Variants in NCR2 observed in about 807,000 individuals in gnomAD.
NCR2 encodes the protein NK cell activating receptor (NKp44).
Under a neutral mutation model 30.7 loss-of-function variants are expected in NCR2, and 35 were observed. That is an observed-to-expected ratio of 1.14 (90% CI 0.87 to 1.51). The LOEUF is 1.51. Ranked by LOEUF, NCR2 falls within the 40% of genes most tolerant of loss-of-function variation. NCR2 has a pLI of 0.00. For missense variants in NCR2, 316 were observed against 328.9 expected (o/e 0.96, Z 0.30); for synonymous variants, 146 against 134.8 (o/e 1.08, Z -0.58).
intron 4 of NCR2, among the ~76,000 whole-genome samples, chr6:41,350,120 T>C (rs1769393766): frequency 2.0e-5 from 3 of 152,198 alleles, no homozygotes; most frequent in African/African-American, 4.8e-5. Context: ...ACCAACTAAA[T>C]GATGCTGGAA....
rs1254863108 is a variant in NCR2, at chr6:41,336,171, G to A, written c.137G>A (p.Gly46Asp). The A allele has an allele frequency of 1.2e-6, 2 of 1,614,174 alleles. No individual in the cohort carries two copies. The highest frequency in any genetic ancestry group is 1.7e-5 in the Admixed American group (1 of 60,032). ...LTVRCQYPPT[G>D]SLYEKKGWCK... Reference sequence around the variant, plus strand: ...GTGAGATGCCAGTACCCGCCCACGGGCAGTCTCTACGAGAAGAAAGGCTGG... The same window carrying A: ...GTGAGATGCCAGTACCCGCCCACGGACAGTCTCTACGAGAAGAAAGGCTGG... The change falls in exon 2 of 5, where the codon GGC becomes GAC. Residue 46 changes from glycine (G) to aspartate (D), a missense_variant. By Grantham distance (94) the Gly-to-Asp change is moderately conservative. Transcript: ENST00000373089.
rs1057130827 is a variant in NCR2 at position 41,346,817 on chromosome 6, A to G, written c.645-3861A>G. Among the ~76,000 whole-genome samples the G allele has an allele frequency of 2.8e-5, 4 of 140,508 alleles. No homozygotes were observed. In the South Asian group the frequency reaches 1.1e-3, roughly 37 times the overall value. The allele number at this position is 140,508 out of a possible 152,430, so 92.2% of individuals were successfully genotyped here. On this transcript the variant is annotated intron_variant, in intron 4 of 4. Transcript: ENST00000373089. ...CTGAAAAGAGAGAGAAAGAGGGGGA[A>G]AGAGAGAAAGAGAGGGAGGGAGGGA...
intron 4 of NCR2, among the ~76,000 whole-genome samples, chr6:41,348,005 T>C (rs968822649): frequency 5.3e-5 from 8 of 152,180 alleles, no homozygotes; most frequent in Non-Finnish European, 1.2e-4. Context: ...ATAGTGCCAT[T>C]AATAACCTAG....
chr6:41,350,532 G>C, intron 4 of NCR2, 146 bp from the exon 5 acceptor site: 1 of 661,632 alleles, frequency 1.5e-6, no homozygotes, highest in Non-Finnish European at 2.6e-6. Context: ...TCTGGCAGCA[G>C]TGGCCAGGAG....
rs753694799 is a variant in NCR2, at chr6:41,341,843, A to ACAGACC, written c.455_460dup (p.Thr152_Gln153dup). The ACAGACC allele has an allele frequency of 1.9e-6, 3 of 1,613,216 alleles. No homozygotes were observed. Among genetic ancestry groups the ACAGACC allele is most frequent in the African/African-American group, 1.3e-5 (1 of 74,938 alleles). ...GGACTCCCCGCGACCTGGTCTCTTC[A>ACAGACC]CAGACCCAGACCCAGAGCTGTGTGC... On this transcript the variant is annotated inframe_insertion, in exon 3 of 5. Transcript: ENST00000373089.
At chr6:41,346,670 C>G (rs939701109) in intron 4 of NCR2, among the ~76,000 whole-genome samples, 15 of 152,140 alleles carry the variant, frequency 9.9e-5, no homozygotes, top group Admixed American at 2.0e-4. Flanking sequence ...TCTATCATCC[C>G]GAAATGTCTC....
chr6:41,342,347 G>T (rs1262761251), intron 4 of NCR2, among the ~76,000 whole-genome samples, 198 bp downstream of exon 4: 1 of 152,008 alleles, frequency 6.6e-6, no homozygotes, highest in Non-Finnish European at 1.5e-5. Context: ...CTGCAAACTT[G>T]CAGGAATCTC....
chr6:41,338,965 T>A (rs1769099163), intron 2 of NCR2, among the ~76,000 whole-genome samples: 1 of 152,246 alleles, frequency 6.6e-6, no homozygotes, highest in Non-Finnish European at 1.5e-5. Context: ...AAGTATGGAT[T>A]CCTTTCAAGA....
chr6:41,349,007 T>C (rs1159491185), intron 4 of NCR2, among the ~76,000 whole-genome samples: 2 of 150,402 alleles, frequency 1.3e-5, no homozygotes, highest in Non-Finnish European at 3.0e-5. Flanking sequence ...AGACACTATG[T>C]GAAATAATAA....
chr6:41,343,326 G>A (rs942733666), intron 4 of NCR2, among the ~76,000 whole-genome samples: 2 of 152,108 alleles, frequency 1.3e-5, no homozygotes, highest in Non-Finnish European at 2.9e-5. Flanking sequence ...AAAGAAAAAC[G>A]TGAGGCCTGG....
chr6:41,337,452 TTC>T (rs1406830267), intron 2 of NCR2, among the ~76,000 whole-genome samples: 2 of 152,214 alleles, frequency 1.3e-5, no homozygotes, highest in Non-Finnish European at 2.9e-5. Context: ...GAAATTGCAG[TTC>T]TCCATATTAA....
In NCR2 at chr6:41,338,407, A is replaced by G. The variant is rs564159381; in HGVS notation, c.394+1979A>G. ...TTCAGTTAAGCTGCTTTTTTTTCATAGTAAAACTCTCTCAATGAAGGAAGC... is the reference window on the plus strand; with the variant it reads ...TTCAGTTAAGCTGCTTTTTTTTCATGGTAAAACTCTCTCAATGAAGGAAGC... On this transcript the variant is annotated intron_variant, in intron 2 of 4. Transcript: ENST00000373089. 2.6e-5 allele frequency among the ~76,000 whole-genome samples: 4 copies of G among 152,302 alleles called. No individual in the cohort carries two copies. In the South Asian group the frequency reaches 8.3e-4, roughly 32 times the overall value.
In NCR2 at chr6:41,335,849, TC is replaced by T; in HGVS notation, c.-25del. 1 of 1,558,238 alleles carries T rather than the reference TC, an allele frequency of 6.4e-7. No individual in the cohort carries two copies. Among genetic ancestry groups the T allele is most frequent in the Non-Finnish European group, 8.7e-7 (1 of 1,150,352 alleles). ...TCCCCAGTCTTCTCCAGGTGTCCCC[TC>T]CCATGAGCGCACAGGAAAAGGACCA... On this transcript the variant is annotated 5_prime_UTR_variant, in exon 1 of 5. Coordinates refer to ENST00000373089, the MANE Select transcript of NCR2 (RefSeq NM_004828.4).
intron 4 of NCR2, among the ~76,000 whole-genome samples, chr6:41,343,927 C>G (rs796441145): frequency 8.5e-5 from 13 of 152,192 alleles, no homozygotes; most frequent in African/African-American, 2.9e-4. Flanking sequence ...TGATTTAACA[C>G]CCCAAATCCA....
chr6:41,336,441 C>T lies in NCR2; in HGVS notation c.394+13C>T, dbSNP rs1769033524. The T allele has an allele frequency of 6.2e-7, 1 of 1,603,854 alleles. No homozygotes were observed. The highest frequency in any genetic ancestry group is 1.3e-5 in the African/African-American group (1 of 74,816). ...GTGGTATCTCCAGGTGAGCTCTTTC[C>T]CTAGGGTCCTCAGAGGGGTGCCCCT... is the stretch of plus-strand genomic sequence containing the variant. On this transcript the variant is annotated intron_variant, in intron 2 of 4. Coordinates refer to ENST00000373089, the MANE Select transcript of NCR2 (RefSeq NM_004828.4).
Position 41,335,657 on chromosome 6 carries a change from C to T in NCR2, c.-220C>T, listed in dbSNP as rs1768999971. 10 of 583,406 alleles carry T rather than the reference C, an allele frequency of 1.7e-5. No individual in the cohort carries two copies. The highest frequency in any genetic ancestry group is 2.9e-5 in the Admixed American group (1 of 34,026). 36.1% of individuals were successfully genotyped at this position (583,406 alleles called of 1,614,324 possible). On this transcript the variant is annotated 5_prime_UTR_variant, in exon 1 of 5. Transcript: ENST00000373089. ...AAGCTGTGTGCCAGACAGCGCCGAG[C>T]CCACCAGACCCAGACTCACCTACAG...
chr6:41,346,444 C>T (rs79127125), intron 4 of NCR2, among the ~76,000 whole-genome samples: 45 of 152,238 alleles, frequency 3.0e-4, no homozygotes, highest in African/African-American at 9.9e-4. Flanking sequence ...TCCTGCCACC[C>T]GCCCCTTTCC....
intron 2 of NCR2, among the ~76,000 whole-genome samples, chr6:41,341,092 G>A (rs1370982558): frequency 1.3e-5 from 2 of 152,084 alleles, no homozygotes; most frequent in Non-Finnish European, 1.5e-5. Context: ...CCCAGCCTTG[G>A]TTCCAACCCT....
At chr6:41,348,735 G>A (rs1167636701) in intron 4 of NCR2, among the ~76,000 whole-genome samples, 1 of 152,006 alleles carries the variant, frequency 6.6e-6, no homozygotes, top group African/African-American at 2.4e-5. Flanking sequence ...TGCTATTTCT[G>A]TTCCTTTCAG....
Sources: allele counts gnomAD v4.1 joint callset (sites outside exome capture counted in the v4.1 genomes callset), GRCh38; gene constraint gnomAD v4.1.1; transcripts MANE v1.5; gene names NCBI Gene and HGNC (gene_info 2026-07-23, HGNC 2026-07-21).